ZNF438: variants seen among roughly 807,000 people sequenced by gnomAD.
ZNF438 encodes the protein zinc finger protein 438.
In ZNF438, 25 loss-of-function variants were observed where a neutral mutation model predicts 38.0. The observed-to-expected ratio is 0.66, with a 90% confidence interval of 0.48 to 0.92. ZNF438 has a LOEUF of 0.92. Ranked by LOEUF, ZNF438 falls within the 40% of genes least tolerant of loss-of-function variation. The probability of loss-of-function intolerance (pLI) is 0.00; values close to 1 mark genes in which losing one functional copy is unlikely to be tolerated. For synonymous variants in ZNF438, 372 were observed against 364.1 expected (o/e 1.02, Z -0.25); for missense variants, 1,007 against 999.6 (o/e 1.01, Z -0.10).
chr10:30,964,249 T>C (rs1342256160), intron 1 of ZNF438, among the ~76,000 whole-genome samples: 4 of 152,242 alleles, frequency 2.6e-5, no homozygotes, highest in African/African-American at 9.6e-5. Flanking sequence ...TACTCTTTTA[T>C]ACTCAAACCC....
At chr10:30,989,119 A>C (rs1261818303) in intron 1 of ZNF438, among the ~76,000 whole-genome samples, 1 of 152,102 alleles carries the variant, frequency 6.6e-6, no homozygotes, top group Non-Finnish European at 1.5e-5. Flanking sequence ...TACACTCAAG[A>C]CCATTACCAA....
intron 2 of ZNF438, among the ~76,000 whole-genome samples, chr10:30,930,229 T>C (rs1276285703): frequency 2.0e-5 from 3 of 151,482 alleles, no homozygotes; most frequent in Admixed American, 2.0e-4. Flanking sequence ...GGCGGGAAGG[T>C]GGCTGAGACC....
intron 1 of ZNF438, among the ~76,000 whole-genome samples, chr10:30,943,302 G>A (rs567415068): frequency 4.6e-5 from 7 of 152,162 alleles, no homozygotes; most frequent in Non-Finnish European, 8.8e-5. Flanking sequence ...AAACATTTGT[G>A]TGTAAGGGAG....
intron 3 of ZNF438, among the ~76,000 whole-genome samples, chr10:30,906,927 T>C (rs1381106052): frequency 6.6e-6 from 1 of 152,232 alleles, no homozygotes; most frequent in Non-Finnish European, 1.5e-5. Context: ...TTGGTTTCTA[T>C]GCTTTTCATA....
At chr10:30,993,828 C>T (rs767293369) in intron 1 of ZNF438, among the ~76,000 whole-genome samples, 12 of 152,238 alleles carry the variant, frequency 7.9e-5, no homozygotes, top group Non-Finnish European at 1.2e-4. Context: ...AGTAAAGCCA[C>T]GGGGTGGAAC....
chr10:31,026,391 C>T (rs1035532016), intron 1 of ZNF438, among the ~76,000 whole-genome samples: 5 of 64,904 alleles, frequency 7.7e-5, no homozygotes, highest in Admixed American at 1.4e-4. Flanking sequence ...AACAAATTTA[C>T]AAGAAAAAAT....
chr10:30,942,202 G>A (rs984140150), intron 1 of ZNF438, among the ~76,000 whole-genome samples: 3 of 152,176 alleles, frequency 2.0e-5, no homozygotes, highest in Non-Finnish European at 2.9e-5. Flanking sequence ...GAGAGAAATG[G>A]GGAGGGAGAT....
intron 1 of ZNF438, among the ~76,000 whole-genome samples, chr10:31,025,202 G>A (rs1041188838): frequency 1.1e-4 from 16 of 152,114 alleles, no homozygotes; most frequent in Non-Finnish European, 1.9e-4. Flanking sequence ...AAGGAAGGAG[G>A]GAGTGAAGGA....
chr10:30,894,085 C>A (rs2041036028), intron 3 of ZNF438, among the ~76,000 whole-genome samples: 1 of 152,148 alleles, frequency 6.6e-6, no homozygotes, highest in African/African-American at 2.4e-5. Flanking sequence ...TAACCTAGAG[C>A]TTAACTGGAA....
rs555778828 is a variant in ZNF438, at chr10:30,884,486, T to C, written c.-31-7421A>G. Among the ~76,000 whole-genome samples, 4 of 152,322 alleles carry C rather than the reference T, an allele frequency of 2.6e-5. No homozygotes were observed. The East Asian group carries it at 5.8e-4, about 22-fold the overall frequency. ...GTGTGCATTTTTACTCAAGGAATCA[T>C]AGTATAGCACTAACAGCCACTGCAT... On this transcript the variant is annotated intron_variant, in intron 3 of 5. Transcript: ENST00000413025.
At chr10:30,997,872 C>T (rs1016152818) in intron 1 of ZNF438, among the ~76,000 whole-genome samples, 1 of 152,122 alleles carries the variant, frequency 6.6e-6, no homozygotes, top group Non-Finnish European at 1.5e-5. Context: ...AGTCTGAAGA[C>T]AAAAGCCAAC....
At chr10:30,989,512 C>G (rs1471252621) in intron 1 of ZNF438, among the ~76,000 whole-genome samples, 1 of 152,158 alleles carries the variant, frequency 6.6e-6, no homozygotes, top group Non-Finnish European at 1.5e-5. Context: ...AGAACAGGGA[C>G]ATATCTTACA....
exon 5 of ZNF438, chr10:30,849,450 A>C (rs1417199050): frequency 1.2e-6 from 2 of 1,614,176 alleles, no homozygotes; most frequent in South Asian, 2.2e-5. Context: ...GGTCCTGGTA[A>C]AGAAAAACCT....
At chr10:31,022,891 A>G (rs1349011654) in intron 1 of ZNF438, among the ~76,000 whole-genome samples, 2 of 152,164 alleles carry the variant, frequency 1.3e-5, no homozygotes, top group African/African-American at 4.8e-5. Flanking sequence ...CCAAATCCCA[A>G]AGCATGAATT....
At chr10:31,017,579 A>T (rs1237817125) in intron 1 of ZNF438, among the ~76,000 whole-genome samples, 1 of 152,244 alleles carries the variant, frequency 6.6e-6, no homozygotes, top group East Asian at 1.9e-4. Flanking sequence ...TAATCTGGTC[A>T]TAGATATTAA....
In ZNF438 at chr10:30,986,437, C is replaced by T. The variant is rs568201349; in HGVS notation, c.-191-44786G>A. ...AACCACAAAAAGGAGACTTGTTTAC[C>T]GTATGAGAGCTGAAGGAAATCAGCT... On this transcript the variant is annotated intron_variant, in intron 1 of 5. Coordinates refer to ENST00000413025, the Ensembl canonical transcript of ZNF438. Among the ~76,000 whole-genome samples the T allele has an allele frequency of 5.3e-5, 8 of 152,216 alleles. No individual in the cohort carries two copies. In the East Asian group the frequency reaches 1.5e-3, roughly 29 times the overall value.
intron 3 of ZNF438, among the ~76,000 whole-genome samples, chr10:30,888,770 C>T (rs150671127): frequency 1.1e-4 from 17 of 152,276 alleles, no homozygotes; most frequent in Middle Eastern, 3.4e-3. Flanking sequence ...TCATCCAGTA[C>T]CACTGATGGG....
At chr10:30,961,803 G>A (rs1443451629) in intron 1 of ZNF438, among the ~76,000 whole-genome samples, 4 of 144,240 alleles carry the variant, frequency 2.8e-5, no homozygotes, top group South Asian at 2.3e-4. Context: ...CAGCAGAATC[G>A]CTTGAACCCG....
intron 3 of ZNF438, among the ~76,000 whole-genome samples, chr10:30,900,459 G>A (rs2041850034): frequency 1.3e-5 from 2 of 152,028 alleles, no homozygotes; most frequent in African/African-American, 4.8e-5. Flanking sequence ...TAGCAGGTGG[G>A]AGTTAGAGAG....
Sources: allele counts gnomAD v4.1 joint callset (sites outside exome capture counted in the v4.1 genomes callset), GRCh38; gene constraint gnomAD v4.1.1; transcripts MANE v1.5; gene names NCBI Gene and HGNC (gene_info 2026-07-23, HGNC 2026-07-21).